The following C3orf49 variants were observed in gnomAD, a reference collection of about 807,000 sequenced individuals.
C3orf49 encodes the protein chromosome 3 open reading frame 49.
In C3orf49, 27 loss-of-function variants were observed where a neutral mutation model predicts 13.3. The observed-to-expected ratio is 2.02, with a 90% CI of 1.49 to 2.79. The LOEUF (loss-of-function observed/expected upper bound fraction) is 2.79. C3orf49 is among the 30% of genes most tolerant of loss of function. C3orf49 has a pLI of 0.00. For missense variants in C3orf49, 242 were observed against 134.2 expected, an observed-to-expected ratio of 1.80 and a Z score of -3.97; for synonymous variants, 87 against 47.6, an observed-to-expected ratio of 1.83 and a Z score of -3.40.
intron 5 of C3orf49, chr3:63,834,244 T>C (rs566055420): frequency 1.6e-5 from 26 of 1,587,244 alleles, no homozygotes; most frequent in African/African-American, 2.7e-5. Context: ...AGTTTGCCTA[T>C]ATTTTATATT....
chr3:63,805,395 A>T, the C3orf49 span, among the ~76,000 whole-genome samples: 1 of 152,112 alleles, frequency 6.6e-6, no homozygotes, highest in African/African-American at 2.4e-5. Context: ...TGTCTTAAAG[A>T]TCAGTTGAGT....
the C3orf49 span, among the ~76,000 whole-genome samples, chr3:63,808,950 G>A: frequency 6.6e-6 from 1 of 152,002 alleles, no homozygotes; most frequent in East Asian, 1.9e-4. Context: ...CTGAAGTACT[G>A]GAAAATTAAT....
At chr3:63,844,658 G>T (rs1295890508) in intron 5 of C3orf49, among the ~76,000 whole-genome samples, 4 of 152,156 alleles carry the variant, frequency 2.6e-5, no homozygotes, top group Non-Finnish European at 5.9e-5. Flanking sequence ...CTCGGAGTGA[G>T]CTCCTGATAA....
chr3:63,834,116 T>C, intron 5 of C3orf49: 2 of 1,613,620 alleles, frequency 1.2e-6, no homozygotes, highest in Middle Eastern at 3.3e-4. Context: ...CTGGGAGTGG[T>C]GGGCAATTAG....
In C3orf49 at chr3:63,836,297, T is replaced by A. The variant is rs780787227; in HGVS notation, c.849+4453T>A. 9 of 1,612,216 alleles carry A rather than the reference T, an allele frequency of 5.6e-6. No individual in the cohort carries two copies. The East Asian group carries it at 2.0e-4, about 36-fold the overall frequency. On this transcript the variant is annotated intron_variant, in intron 5 of 6. Transcript: ENST00000295896. Reference sequence around the variant, plus strand: ...TTCCTTTCAAAGTAAAGCTCTACACTTACTTTAATGTCTCATGCCTGTCTG... The same window carrying A: ...TTCCTTTCAAAGTAAAGCTCTACACATACTTTAATGTCTCATGCCTGTCTG...
chr3:63,813,607 C>T, the C3orf49 span, among the ~76,000 whole-genome samples: 1 of 152,228 alleles, frequency 6.6e-6, no homozygotes, highest in African/African-American at 2.4e-5. Context: ...TTCGAAGACA[C>T]TTTACTCCAG....
chr3:63,790,416 T>C, the C3orf49 span, among the ~76,000 whole-genome samples: 2 of 152,176 alleles, frequency 1.3e-5, no homozygotes, highest in African/African-American at 4.8e-5. Context: ...TTTAAGGCGA[T>C]TTTCAACCTT....
the C3orf49 span, among the ~76,000 whole-genome samples, chr3:63,802,873 C>T: frequency 6.6e-6 from 1 of 152,194 alleles, no homozygotes; most frequent in African/African-American, 2.4e-5. Context: ...ACTACCTTCA[C>T]ACACAGAAAC....
chr3:63,781,282 C>T, the C3orf49 span, among the ~76,000 whole-genome samples: 3 of 151,324 alleles, frequency 2.0e-5, no homozygotes, highest in East Asian at 1.9e-4. Context: ...TCAGGTTTGT[C>T]AAAGATCAGA....
the C3orf49 span, among the ~76,000 whole-genome samples, chr3:63,793,945 A>C: frequency 1.3e-5 from 2 of 152,114 alleles, no homozygotes; most frequent in African/African-American, 2.4e-5. Flanking sequence ...GCTTGAGCCC[A>C]GGAGTTTGAG....
At position 63,820,410 on chromosome 3, in the gene C3orf49, G is replaced by A. The variant is rs114822320; in HGVS notation, c.125+814G>A. Reference sequence around the variant, plus strand: ...AAAAACTTAAGAAGGGGAGGGTTCTGCTCATATCAGAAATTGCAGCAGTGT... The same window carrying A: ...AAAAACTTAAGAAGGGGAGGGTTCTACTCATATCAGAAATTGCAGCAGTGT... On this transcript the variant is annotated intron_variant, in intron 1 of 6. Transcript: ENST00000295896. Among the ~76,000 whole-genome samples the A allele has an allele frequency of 5.6e-4, 85 of 152,284 alleles. 1 individual carries two copies. The highest frequency in any genetic ancestry group is 1.9e-3 in the African/African-American group (80 of 41,560).
upstream of C3orf49, among the ~76,000 whole-genome samples, chr3:63,817,949 C>T (rs1048327821): frequency 6.6e-6 from 1 of 152,102 alleles, no homozygotes; most frequent in African/African-American, 2.4e-5. Flanking sequence ...TGCCCTGTTG[C>T]TAAAGAAAAT....
the C3orf49 span, among the ~76,000 whole-genome samples, chr3:63,807,369 T>C: frequency 6.6e-6 from 1 of 152,202 alleles, no homozygotes; most frequent in African/African-American, 2.4e-5. Flanking sequence ...GGGGTATGAT[T>C]ATTCTCTCTT....
chr3:63,783,059 A>T, the C3orf49 span: 1 of 152,198 alleles, frequency 6.6e-6, no homozygotes, highest in African/African-American at 2.4e-5. Context: ...ATGAATGTTC[A>T]TATCCATAAA....
At chr3:63,835,126 C>A in intron 5 of C3orf49, 1 of 1,607,680 alleles carries the variant, frequency 6.2e-7, no homozygotes, top group East Asian at 2.2e-5. Context: ...TCTTCATAAG[C>A]ATTTACTTTG....
intron 3 of C3orf49, among the ~76,000 whole-genome samples, chr3:63,828,932 AG>A (rs1701498552): frequency 6.6e-6 from 1 of 152,182 alleles, no homozygotes; most frequent in Non-Finnish European, 1.5e-5. Context: ...GCTAGTCAAT[AG>A]CTACATGTCA....
At chr3:63,787,883 G>A in the C3orf49 span, among the ~76,000 whole-genome samples, 2 of 152,208 alleles carry the variant, frequency 1.3e-5, no homozygotes, top group African/African-American at 4.8e-5. Flanking sequence ...GTCAAAAGGA[G>A]CCATCAGTTT....
At chr3:63,787,661 TC>T in the C3orf49 span, among the ~76,000 whole-genome samples, 1 of 152,046 alleles carries the variant, frequency 6.6e-6, no homozygotes, top group South Asian at 2.1e-4. Flanking sequence ...AATGAAAGTT[TC>T]CCCCGAACAG....
chr3:63,794,131 G>A, the C3orf49 span, among the ~76,000 whole-genome samples: 1 of 150,760 alleles, frequency 6.6e-6, no homozygotes, highest in Non-Finnish European at 1.5e-5. Flanking sequence ...TTCCAGCCTG[G>A]GCAAGAGAGC....
Sources: gnomAD v4.1 joint callset for allele counts (sites outside exome capture counted in the v4.1 genomes callset) on GRCh38, gnomAD v4.1.1 for gene constraint, MANE v1.5 for transcripts, NCBI Gene and HGNC (gene_info 2026-07-23, HGNC 2026-07-21) for gene names.